The following LOXL2 variants were observed in gnomAD, a reference collection of about 807,000 sequenced individuals.
LOXL2 encodes the protein lysyl oxidase like 2, also known as lysyl oxidase homolog 2.
LOXL2 carries 70 observed loss-of-function variants against 93.0 expected under a neutral mutation model. That is an observed-to-expected ratio of 0.75 (90% CI 0.62 to 0.92). LOXL2 has a LOEUF of 0.92. Ranked by LOEUF, LOXL2 falls within the 40% of genes least tolerant of loss-of-function variation. The pLI is 0.00. For missense variants in LOXL2, 973 were observed against 1,054.9 expected, an observed-to-expected ratio of 0.92 and a Z score of 1.08; for synonymous variants, 438 against 413.2, an observed-to-expected ratio of 1.06 and a Z score of -0.73.
At chr8:23,347,108 C>T (rs1804002262) in intron 3 of LOXL2, among the ~76,000 whole-genome samples, 1 of 151,878 alleles carries the variant, frequency 6.6e-6, no homozygotes, top group African/African-American at 2.4e-5. Context: ...CACTTGAGGT[C>T]AGGAGTTCAA....
At chr8:23,389,652 T>C (rs1397844075) in intron 1 of LOXL2, among the ~76,000 whole-genome samples, 1 of 152,110 alleles carries the variant, frequency 6.6e-6, no homozygotes, top group Non-Finnish European at 1.5e-5. Context: ...AATTATACAG[T>C]GTTTGGACAT....
At chr8:23,357,112 C>A (rs1051480674) in intron 3 of LOXL2, among the ~76,000 whole-genome samples, 1 of 151,478 alleles carries the variant, frequency 6.6e-6, no homozygotes, top group South Asian at 2.1e-4. Flanking sequence ...GTTGTTGGCT[C>A]AGGCTGGAGC....
At chr8:23,362,525 G>A (rs918276524) in intron 2 of LOXL2, among the ~76,000 whole-genome samples, 7 of 152,158 alleles carry the variant, frequency 4.6e-5, no homozygotes, top group African/African-American at 1.7e-4. Flanking sequence ...TCAAGCTCAG[G>A]AGTTCGAGAC....
chr8:23,338,680 C>T (rs2117178522), intron 4 of LOXL2, among the ~76,000 whole-genome samples: 1 of 152,328 alleles, frequency 6.6e-6, no homozygotes, highest in South Asian at 2.1e-4. Flanking sequence ...GGGAAAGATG[C>T]AACTGCAAGC....
At chr8:23,325,446 T>C (rs753171724) in intron 6 of LOXL2, among the ~76,000 whole-genome samples, 5 of 152,090 alleles carry the variant, frequency 3.3e-5, no homozygotes, top group Non-Finnish European at 5.9e-5. Flanking sequence ...TGTACCACCA[T>C]GTCTGGCTAA....
At position 23,351,211 on chromosome 8, in the gene LOXL2, G is replaced by A. The variant is rs145026836; in HGVS notation, c.531+8879C>T. ...GCAACGGACTCCTGGGGATGGGGTCGGGGGATTCCTTGGCACTGACACCCA... is the reference window on the plus strand; with the variant it reads ...GCAACGGACTCCTGGGGATGGGGTCAGGGGATTCCTTGGCACTGACACCCA... On this transcript the variant is annotated intron_variant, in intron 3 of 13. Coordinates refer to ENST00000389131, the MANE Select transcript of LOXL2 (RefSeq NM_002318.3). 1.2e-3 allele frequency among the ~76,000 whole-genome samples: 177 copies of A among 152,262 alleles called. 1 individual carries two copies. Among genetic ancestry groups the A allele is most frequent in the African/African-American group, 4.2e-3 (173 of 41,548 alleles).
chr8:23,300,610 T>G lies in LOXL2; in HGVS notation c.2133+1417A>C, dbSNP rs113836527. Among the ~76,000 whole-genome samples, 98 of 152,328 alleles carry G rather than the reference T, an allele frequency of 6.4e-4. 1 individual carries two copies. Among genetic ancestry groups the G allele is most frequent in the African/African-American group, 2.2e-3 (93 of 41,584 alleles). On this transcript the variant is annotated intron_variant, in intron 12 of 13. Coordinates refer to ENST00000389131, the MANE Select transcript of LOXL2 (RefSeq NM_002318.3). ...AATGTTCTTTTTGATTAATCAGAGGTATTAACATGCCCCTAATGAGTCCAT... is the reference window on the plus strand; with the variant it reads ...AATGTTCTTTTTGATTAATCAGAGGGATTAACATGCCCCTAATGAGTCCAT...
chr8:23,385,928 T>C (rs746962984), intron 1 of LOXL2: 1 of 765,272 alleles, frequency 1.3e-6, no homozygotes, highest in Non-Finnish European at 2.4e-6. Context: ...GCAGCGCATC[T>C]CAATTCCAAG....
At chr8:23,327,929 G>C (rs1290802917) in intron 6 of LOXL2, among the ~76,000 whole-genome samples, 2 of 152,198 alleles carry the variant, frequency 1.3e-5, no homozygotes, top group African/African-American at 4.8e-5. Flanking sequence ...GTCAGGGAGG[G>C]AGTGTGTGCA....
chr8:23,302,416 C>A (rs1327921465), intron 11 of LOXL2, among the ~76,000 whole-genome samples: 1 of 152,164 alleles, frequency 6.6e-6, no homozygotes, highest in Non-Finnish European at 1.5e-5. Context: ...CTGATCCACC[C>A]TGGCCTTTCT....
In LOXL2 at chr8:23,297,726, A is replaced by ATC; in HGVS notation, c.*316_*317insGA. 3 of 220,784 alleles carry ATC rather than the reference A, an allele frequency of 1.4e-5. No homozygotes were observed. The highest frequency in any genetic ancestry group is 1.2e-4 in the Admixed American group (2 of 16,632). 13.7% of individuals were successfully genotyped at this position (220,784 alleles called of 1,614,324 possible). ...TGTCTGTGGTGAGCTCGGTGGCTTGAATGGGACAAGCTGATGACAACCTGT... is the reference window on the plus strand; with the variant it reads ...TGTCTGTGGTGAGCTCGGTGGCTTGATCATGGGACAAGCTGATGACAACCTGT... On this transcript the variant is annotated 3_prime_UTR_variant, in exon 14 of 14. Transcript: ENST00000389131.
intron 4 of LOXL2, among the ~76,000 whole-genome samples, chr8:23,334,677 G>GT (rs397937491): frequency 0.18 from 26,598 of 148,118 alleles, 2,508 homozygotes; most frequent in South Asian, 0.3. Flanking sequence ...AGGTAATTCA[G>GT]TTTTTTTTTT....
At chr8:23,304,339 G>A (rs1384831961) in intron 10 of LOXL2, among the ~76,000 whole-genome samples, 1 of 152,240 alleles carries the variant, frequency 6.6e-6, no homozygotes, top group Non-Finnish European at 1.5e-5. Flanking sequence ...AGGGAAACGG[G>A]GCTGTCGCCT....
chr8:23,331,194 G>A (rs1218468000), intron 5 of LOXL2, among the ~76,000 whole-genome samples: 1 of 152,188 alleles, frequency 6.6e-6, no homozygotes, highest in Admixed American at 6.5e-5. Flanking sequence ...CCGGGGAGGG[G>A]AGAGGGGAAA....
chr8:23,383,720 G>A (rs1287927389), intron 1 of LOXL2, among the ~76,000 whole-genome samples: 1 of 141,482 alleles, frequency 7.1e-6, no homozygotes, highest in Admixed American at 7.3e-5. Context: ...GAGTGCAGTG[G>A]CGCAATCTCG....
chr8:23,330,261 G>A (rs1329423234), intron 5 of LOXL2, among the ~76,000 whole-genome samples: 1 of 152,246 alleles, frequency 6.6e-6, no homozygotes, highest in African/African-American at 2.4e-5. Flanking sequence ...GTGAACCCGG[G>A]AGGCGGAGCT....
At chr8:23,299,099 T>TGGGGAGGGGAAGAGATGAGTC in intron 12 of LOXL2, 152 bp from the exon 13 acceptor site, 4 of 595,604 alleles carry the variant, frequency 6.7e-6, no homozygotes, top group Non-Finnish European at 9.1e-6. Flanking sequence ...ACAAAGTCCT[T>TGGGGAGGGGAAGAGATGAGTC]GGGGAGGGGA....
At chr8:23,356,606 G>A (rs961565682) in intron 3 of LOXL2, among the ~76,000 whole-genome samples, 1 of 152,062 alleles carries the variant, frequency 6.6e-6, no homozygotes. Flanking sequence ...TACTTTCAGC[G>A]GCTACCAAAG....
At chr8:23,381,850 G>A (rs1009117609) in intron 1 of LOXL2, among the ~76,000 whole-genome samples, 4 of 152,220 alleles carry the variant, frequency 2.6e-5, no homozygotes, top group Non-Finnish European at 5.9e-5. Context: ...TTGCTCACAC[G>A]TAACTGGGTG....
Sources: allele counts gnomAD v4.1 joint callset (sites outside exome capture counted in the v4.1 genomes callset), GRCh38; gene constraint gnomAD v4.1.1; transcripts MANE v1.5; gene names NCBI Gene and HGNC (gene_info 2026-07-23, HGNC 2026-07-21).